PCDHGA7: variants seen among roughly 807,000 people sequenced by gnomAD.
PCDHGA7 encodes protocadherin gamma subfamily A, 7.
Under a neutral mutation model 58.3 loss-of-function variants are expected in PCDHGA7, and 44 were observed. The observed-to-expected ratio is 0.75, with a 90% CI of 0.59 to 0.97. PCDHGA7 has a LOEUF of 0.97. PCDHGA7 is among the 50% of genes least tolerant of loss of function. The pLI, the probability that PCDHGA7 is intolerant of heterozygous loss-of-function variation, is 0.00. For missense variants in PCDHGA7, 1,266 were observed against 1,188.7 expected, an observed-to-expected ratio of 1.06 and a Z score of -0.96; for synonymous variants, 516 against 504.2, an observed-to-expected ratio of 1.02 and a Z score of -0.31.
intron 1 of PCDHGA7, chr5:141,422,727 G>T (rs373180311): frequency 6.3e-5 from 102 of 1,606,434 alleles, no homozygotes; most frequent in Non-Finnish European, 2.0e-5. Context: ...TCCAGGGGGT[G>T]CCTCTGTCCT....
chr5:141,444,280 T>C (rs1217749098), intron 1 of PCDHGA7, among the ~76,000 whole-genome samples: 1 of 147,614 alleles, frequency 6.8e-6, no homozygotes, highest in East Asian at 2.1e-4. Context: ...CAAGTGATTC[T>C]CCTGCCTCAG....
intron 1 of PCDHGA7, chr5:141,403,903 G>T: frequency 1.2e-6 from 2 of 1,613,804 alleles, no homozygotes; most frequent in Non-Finnish European, 1.7e-6. Context: ...TTTATGAAAT[G>T]GAAATACAAG....
At chr5:141,421,173 C>A in intron 1 of PCDHGA7, 2 of 1,377,172 alleles carry the variant, frequency 1.5e-6, no homozygotes, top group Non-Finnish European at 9.7e-7. Context: ...GATACATAAG[C>A]CGATTCACAA....
intron 1 of PCDHGA7, among the ~76,000 whole-genome samples, chr5:141,444,000 A>T (rs2098413157): frequency 6.6e-6 from 1 of 152,070 alleles, no homozygotes; most frequent in African/African-American, 2.4e-5. Context: ...TTTAAATGCT[A>T]CCTGGGTATT....
intron 3 of PCDHGA7, among the ~76,000 whole-genome samples, chr5:141,509,596 G>A (rs538867815): frequency 1.3e-5 from 2 of 152,258 alleles, no homozygotes; most frequent in Admixed American, 6.5e-5. Context: ...TGGCAATTCC[G>A]AGAGGCTGCA....
chr5:141,400,657 T>G (rs2094057580), intron 1 of PCDHGA7: 1 of 1,081,498 alleles, frequency 9.2e-7, no homozygotes, highest in African/African-American at 1.6e-5. Context: ...TGTCCTACCA[T>G]TCTTTAAGAG....
At chr5:141,465,983 A>G (rs1219092160) in intron 1 of PCDHGA7, among the ~76,000 whole-genome samples, 1 of 151,944 alleles carries the variant, frequency 6.6e-6, no homozygotes, top group East Asian at 1.9e-4. Context: ...TTAGCCGGGC[A>G]TGGTGGCAGG....
At position 141,431,438 on chromosome 5, in the gene PCDHGA7, C is replaced by G. The variant is rs773812765; in HGVS notation, c.2424+46115C>G. The G allele has an allele frequency of 3.9e-5, 63 of 1,613,612 alleles. No homozygotes were observed. In the East Asian group the frequency reaches 1.4e-3, roughly 35 times the overall value. ...CGACCCGGTGCGCACAGGCACCGCG[C>G]GCATCCGCGTGATGGTTCTGGATGC... is the stretch of plus-strand genomic sequence containing the variant. On this transcript the variant is annotated intron_variant, in intron 1 of 3. Coordinates refer to ENST00000518325, the MANE Select transcript of PCDHGA7 (RefSeq NM_018920.4). The surrounding 1 kb of genome is among the most constrained non-coding windows in gnomAD (Gnocchi z 4.8).
chr5:141,403,581 T>C (rs2094427540), intron 1 of PCDHGA7: 8 of 1,613,936 alleles, frequency 5.0e-6, no homozygotes, highest in Non-Finnish European at 6.8e-6. Flanking sequence ...GCCCACCACC[T>C]GGTCCTCACG....
intron 1 of PCDHGA7, chr5:141,392,870 G>C: frequency 6.2e-7 from 1 of 1,613,226 alleles, no homozygotes; most frequent in Non-Finnish European, 8.5e-7. Context: ...TGTGCGCGCT[G>C]CTGGGAACGC....
chr5:141,468,832 C>G (rs530307522), intron 1 of PCDHGA7, among the ~76,000 whole-genome samples: 1 of 152,164 alleles, frequency 6.6e-6, no homozygotes, highest in South Asian at 2.1e-4. Flanking sequence ...AGCCACTGCA[C>G]TCCAGCCTGG....
chr5:141,490,960 T>C lies in PCDHGA7; in HGVS notation c.2425-3847T>C. 1.9e-6 allele frequency: 3 copies of C among 1,613,794 alleles called. No homozygotes were observed. The highest frequency in any genetic ancestry group is 2.2e-5 in the South Asian group (2 of 91,030). On this transcript the variant is annotated intron_variant, in intron 1 of 3. Transcript: ENST00000518325. The surrounding 1 kb of genome is among the most constrained non-coding windows in gnomAD (Gnocchi z 5.4). ...GCACCCACGGCCAGACTGGGAACACTCAGCCCCCCAGCGTCTCCCTCGCTC... is the reference window on the plus strand; with the variant it reads ...GCACCCACGGCCAGACTGGGAACACCCAGCCCCCCAGCGTCTCCCTCGCTC...
Position 141,511,250 on chromosome 5 carries a change from CAG to C in PCDHGA7, c.*80_*81del. 2 of 1,571,674 alleles carry C rather than the reference CAG, an allele frequency of 1.3e-6. No homozygotes were observed. Among genetic ancestry groups the C allele is most frequent in the Non-Finnish European group, 1.7e-6 (2 of 1,158,794 alleles). On this transcript the variant is annotated 3_prime_UTR_variant, in exon 4 of 4. Transcript: ENST00000518325. ...CTTCTCCTTACCTGCACCCAGGCCT[CAG>C]AGTTTCAGGGCTAACCCCCAGAATA...
intron 3 of PCDHGA7, among the ~76,000 whole-genome samples, chr5:141,506,435 G>C (rs1470687416): frequency 7.9e-6 from 1 of 126,278 alleles, no homozygotes; most frequent in East Asian, 2.1e-4. Flanking sequence ...CAACAGTCTC[G>C]CTCTGTCTCA....
intron 1 of PCDHGA7, chr5:141,398,671 A>G (rs759202675): frequency 1.2e-6 from 2 of 1,614,018 alleles, no homozygotes; most frequent in Non-Finnish European, 1.7e-6. Context: ...CTCATTAATA[A>G]TTAAGGAGAA....
chr5:141,390,539 A>T (rs774441899), intron 1 of PCDHGA7: 22 of 514,666 alleles, frequency 4.3e-5, no homozygotes, highest in Non-Finnish European at 6.5e-5. Flanking sequence ...TTTTAACCAC[A>T]AAGTGAAAGT....
At chr5:141,501,881 C>T (rs1396427606) in intron 2 of PCDHGA7, among the ~76,000 whole-genome samples, 1 of 152,124 alleles carries the variant, frequency 6.6e-6, no homozygotes, top group East Asian at 1.9e-4. Context: ...CCTTACACTC[C>T]TGATCATCAT....
At chr5:141,459,814 T>A (rs757306281) in intron 1 of PCDHGA7, among the ~76,000 whole-genome samples, 2 of 152,256 alleles carry the variant, frequency 1.3e-5, no homozygotes, top group African/African-American at 4.8e-5. Context: ...CTAGAGACAC[T>A]GAGCAACTTT....
chr5:141,480,599 C>A (rs1202373543), intron 1 of PCDHGA7, among the ~76,000 whole-genome samples: 1 of 141,438 alleles, frequency 7.1e-6, no homozygotes, highest in East Asian at 1.9e-4. Flanking sequence ...TCTGGTCAGC[C>A]TGGAAAGCAA....
Sources: gnomAD v4.1 joint callset for allele counts (sites outside exome capture counted in the v4.1 genomes callset) on GRCh38, gnomAD v4.1.1 for gene constraint, Gnocchi (gnomAD v3.1) non-coding constraint, MANE v1.5 for transcripts, NCBI Gene and HGNC (gene_info 2026-07-23, HGNC 2026-07-21) for gene names.